The following DHODH variants were observed in gnomAD, a reference collection of about 807,000 sequenced individuals.
The protein encoded by DHODH is dihydroorotate dehydrogenase (quinone).
Under a neutral mutation model 39.7 loss-of-function variants are expected in DHODH, and 30 were observed. The ratio of observed to expected loss-of-function variants is 0.76; its 90% confidence interval spans 0.57 to 1.02. DHODH has a LOEUF of 1.02. DHODH is among the 50% of genes least tolerant of loss of function. The probability of loss-of-function intolerance (pLI) is 0.00; values close to 1 mark genes in which losing one functional copy is unlikely to be tolerated. For missense variants in DHODH, 531 were observed against 520.8 expected (o/e 1.02, Z -0.19); for synonymous variants, 222 against 213.8 (o/e 1.04, Z -0.34).
At chr16:72,021,927 T>G (rs2041221724) in intron 5 of DHODH, among the ~76,000 whole-genome samples, 1 of 151,976 alleles carries the variant, frequency 6.6e-6, no homozygotes, top group Admixed American at 6.6e-5. Context: ...AACCCCATCT[T>G]ACAAGAAATA....
At chr16:72,016,207 C>T (rs2041140082) in intron 3 of DHODH, 1 of 152,412 alleles carries the variant, frequency 6.6e-6, no homozygotes, top group African/African-American at 2.4e-5. Flanking sequence ...ACTTGTGTCT[C>T]AGTGTCTACA....
intron 6 of DHODH, 38 bp from the exon 7 acceptor site, chr16:72,023,127 G>A (rs1193876687): frequency 6.2e-7 from 1 of 1,613,040 alleles, no homozygotes; most frequent in Admixed American, 1.7e-5. Flanking sequence ...GTCCTTCGGT[G>A]CTATGACTCA....
chr16:72,018,584 C>T (rs1378539750), intron 4 of DHODH, among the ~76,000 whole-genome samples: 6 of 152,184 alleles, frequency 3.9e-5, no homozygotes, highest in Non-Finnish European at 7.3e-5. Flanking sequence ...CCTGTTCTTC[C>T]TCACCCAGCC....
intron 1 of DHODH, chr16:72,009,255 GC>G: frequency 6.4e-6 from 3 of 467,780 alleles, no homozygotes; most frequent in Non-Finnish European, 8.5e-6. Flanking sequence ...TGTAATCCCA[GC>G]ACTTTGGGAG....
At chr16:72,009,024 T>C in intron 1 of DHODH, 1 of 1,427,538 alleles carries the variant, frequency 7.0e-7, no homozygotes, top group Non-Finnish European at 9.2e-7. Context: ...TCTGAGTGTC[T>C]GCGCCTGGGC....
At position 72,023,586 on chromosome 16, in the gene DHODH, G is replaced by T. The variant is rs2041247286; in HGVS notation, c.1086G>T (p.Gly362=). 6.2e-7 allele frequency: 1 copy of T among 1,614,098 alleles called. No homozygotes were observed. ...TGTACACGGCCCTCACCTTCTGGGG[G>T]CCACCCGTTGTGGGCAAAGTCAAGC... is the stretch of plus-strand genomic sequence containing the variant. The part of the protein sequence containing the change: ...VQLYTALTFW[G]PPVVGKVKRE... The change falls in exon 8 of 9, where the codon GGG becomes GGT. Residue 362 remains glycine (G), a synonymous_variant. Transcript: ENST00000219240.
In DHODH at chr16:72,009,489, G is replaced by A. The variant is rs1370726327; in HGVS notation, c.21+704G>A. Among the ~76,000 whole-genome samples, 7 of 109,740 alleles carry A rather than the reference G, an allele frequency of 6.4e-5. No individual in the cohort carries two copies. In the South Asian group the frequency reaches 2.2e-3, roughly 34 times the overall value. 72.0% of individuals were successfully genotyped at this position (109,740 alleles called of 152,430 possible). A position where few individuals can be genotyped will look rare whatever the true frequency, so the allele number is the denominator to read the frequency against. Reference sequence around the variant, plus strand: ...CTGCAGTCCGCAGTCCGGCCTGGGCGACAGAGCGAGACTCCGTCTCAAAAA... The same window carrying A: ...CTGCAGTCCGCAGTCCGGCCTGGGCAACAGAGCGAGACTCCGTCTCAAAAA... On this transcript the variant is annotated intron_variant, in intron 1 of 8. Transcript: ENST00000219240.
rs765266267 is a variant in DHODH at position 72,023,489 on chromosome 16, T to C, written c.989T>C (p.Ile330Thr). 21 of 1,613,980 alleles carry C rather than the reference T, an allele frequency of 1.3e-5. No individual in the cohort carries two copies. The highest frequency in any genetic ancestry group is 1.8e-5 in the Non-Finnish European group (21 of 1,180,038). Residue 330 changes from isoleucine (I) to threonine (T), a missense_variant, in exon 8 of 9, where the codon ATT becomes ACT. Ile to Thr is a moderately conservative substitution (Grantham distance 89). Transcript: ENST00000219240. ...TTCTCTGTAGGCCGAGTTCCCATAA[T>C]TGGGGTTGGTGGTGTGAGCAGCGGG... is the stretch of plus-strand genomic sequence containing the variant. Reference protein sequence around the residue: ...YALTQGRVPIIGVGGVSSGQD... With the variant: ...YALTQGRVPITGVGGVSSGQD...
At position 72,025,732 on chromosome 16, in the gene DHODH, A is replaced by G. The variant is rs2041270900; in HGVS notation, c.*1533A>G. 6.6e-6 allele frequency: 1 copy of G among 152,378 alleles called. No homozygotes were observed. Among genetic ancestry groups the G allele is most frequent in the African/African-American group, 2.4e-5 (1 of 41,454 alleles). 9.4% of individuals were successfully genotyped at this position (152,378 alleles called of 1,614,324 possible). A position where few individuals can be genotyped will look rare whatever the true frequency, so the allele number is the denominator to read the frequency against. ...CCGTGGAGACAGCAACAGAGGGGAC[A>G]TCCCCAGCTCCTCTGGCTCTGCCTG... On this transcript the variant is annotated 3_prime_UTR_variant, in exon 9 of 9. Coordinates refer to ENST00000219240, the MANE Select transcript of DHODH (RefSeq NM_001361.5).
In DHODH at chr16:72,008,956, G is replaced by C. The variant is rs2041050972; in HGVS notation, c.21+171G>C. The C allele has an allele frequency of 3.3e-6, 5 of 1,506,710 alleles. No homozygotes were observed. The Admixed American group carries it at 8.4e-5, about 25-fold the overall frequency. The allele number at this position is 1,506,710 out of a possible 1,614,324, so 93.3% of individuals were successfully genotyped here. A position where few individuals can be genotyped will look rare whatever the true frequency, so the allele number is the denominator to read the frequency against. ...TGCAAATGCTCGTGCGTGTGCATTTGCACGTGGACTCGGTCAGGCGTGTGC... is the reference window on the plus strand; with the variant it reads ...TGCAAATGCTCGTGCGTGTGCATTTCCACGTGGACTCGGTCAGGCGTGTGC... On this transcript the variant is annotated intron_variant, in intron 1 of 8. Transcript: ENST00000219240.
chr16:72,009,935 A>G (rs2041065320), intron 1 of DHODH, among the ~76,000 whole-genome samples: 1 of 152,078 alleles, frequency 6.6e-6, no homozygotes, highest in Non-Finnish European at 1.5e-5. Flanking sequence ...ATGGAGAGAG[A>G]TGGGATCTCA....
intron 4 of DHODH, among the ~76,000 whole-genome samples, chr16:72,019,767 T>C (rs1325657054): frequency 6.6e-6 from 1 of 152,188 alleles, no homozygotes; most frequent in Non-Finnish European, 1.5e-5. Flanking sequence ...TCAGTTATTA[T>C]ATGAGGGAGA....
At position 72,023,623 on chromosome 16, in the gene DHODH, G is replaced by A; in HGVS notation, c.1123G>A (p.Ala375Thr). ...GGGCAAAGTCAAGCGGGAACTGGAG[G>A]CCCTTCTGAAGTGAGTGAGGTCATG... ...VVGKVKRELEALLKEQGFGGV... is the reference protein window; with the variant it reads ...VVGKVKRELETLLKEQGFGGV... The change falls in exon 8 of 9, where the codon GCC (alanine) becomes ACC (threonine). Residue 375 changes from alanine (A) to threonine (T), a missense_variant. Coordinates refer to ENST00000219240, the MANE Select transcript of DHODH (RefSeq NM_001361.5). 1 of 1,613,932 alleles carries A rather than the reference G, an allele frequency of 6.2e-7. No homozygotes were observed. Among genetic ancestry groups the A allele is most frequent in the Non-Finnish European group, 8.5e-7 (1 of 1,180,028 alleles).
At chr16:72,019,548 C>T (rs1040517924) in intron 4 of DHODH, among the ~76,000 whole-genome samples, 1 of 152,228 alleles carries the variant, frequency 6.6e-6, no homozygotes, top group Admixed American at 6.5e-5. Context: ...GTTTCTTTTA[C>T]ACATAGTGTG....
intron 5 of DHODH, 28 bp from the exon 6 acceptor site, chr16:72,022,334 C>T: frequency 1.3e-6 from 2 of 1,532,558 alleles, no homozygotes; most frequent in African/African-American, 1.4e-5. Flanking sequence ...TCTGCGGGGT[C>T]CCCAGCTCTG....
intron 1 of DHODH, among the ~76,000 whole-genome samples, chr16:72,011,150 C>T (rs2041077345): frequency 6.6e-6 from 1 of 152,116 alleles, no homozygotes; most frequent in Non-Finnish European, 1.5e-5. Context: ...TGCTATGACT[C>T]CCCTAGTGAG....
At chr16:72,018,400 A>G (rs75329497) in intron 4 of DHODH, among the ~76,000 whole-genome samples, 15,839 of 152,228 alleles carry the variant, frequency 0.1, 1,305 homozygotes, top group East Asian at 0.39. Context: ...ATAGGAAATT[A>G]TCTTTTGGAA....
Position 72,023,465 on chromosome 16 carries a change from T to C in DHODH, c.974-9T>C. On this transcript the variant is annotated splice_polypyrimidine_tract_variant and intron_variant, in intron 7 of 8. Transcript: ENST00000219240. ...CTTCTTTATGGTGTCGCCATGTGCTTCTCTGTAGGCCGAGTTCCCATAATT... is the reference window on the plus strand; with the variant it reads ...CTTCTTTATGGTGTCGCCATGTGCTCCTCTGTAGGCCGAGTTCCCATAATT... 6.2e-7 allele frequency: 1 copy of C among 1,614,170 alleles called. No individual in the cohort carries two copies. The highest frequency in any genetic ancestry group is 8.5e-7 in the Non-Finnish European group (1 of 1,180,038).
At chr16:72,011,818 C>G (rs2041084621) in intron 1 of DHODH, among the ~76,000 whole-genome samples, 1 of 152,142 alleles carries the variant, frequency 6.6e-6, no homozygotes, top group African/African-American at 2.4e-5. Flanking sequence ...AGTACTGTCC[C>G]TCTTTAAATT....
Sources: gnomAD v4.1 joint callset for allele counts (sites outside exome capture counted in the v4.1 genomes callset) on GRCh38, gnomAD v4.1.1 for gene constraint, MANE v1.5 for transcripts, NCBI Gene and HGNC (gene_info 2026-07-23, HGNC 2026-07-21) for gene names.